Variants in MACROD2 observed in about 807,000 individuals in gnomAD.
MACROD2 encodes the protein mono-ADP ribosylhydrolase 2, also known as ADP-ribose glycohydrolase MACROD2.
A neutral mutation model predicts 70.4 loss-of-function variants in MACROD2; 36 were observed. That is an observed-to-expected ratio of 0.51 (90% confidence interval 0.39 to 0.68). The LOEUF (loss-of-function observed/expected upper bound fraction) is 0.68. Among genes scored for constraint, MACROD2 ranks in the 30% least tolerant of loss-of-function variants. The probability of loss-of-function intolerance (pLI) is 0.00; values close to 1 mark genes in which losing one functional copy is unlikely to be tolerated. For synonymous variants in MACROD2, 172 were observed against 178.8 expected (o/e 0.96, Z 0.30); for missense variants, 496 against 538.4 (o/e 0.92, Z 0.78).
chr20:14,057,369 C>T (rs1279667467), intron 2 of MACROD2, among the ~76,000 whole-genome samples: 1 of 152,108 alleles, frequency 6.6e-6, no homozygotes, highest in East Asian at 1.9e-4. Flanking sequence ...ATATATATAT[C>T]TGACAGATGG....
At chr20:15,436,800 A>G (rs935149780) in intron 7 of MACROD2, among the ~76,000 whole-genome samples, 3 of 152,196 alleles carry the variant, frequency 2.0e-5, no homozygotes, top group African/African-American at 7.2e-5. Flanking sequence ...TTTACAAAGC[A>G]AACACAACTC....
intron 3 of MACROD2, among the ~76,000 whole-genome samples, chr20:14,245,217 G>T (rs2081959374): frequency 6.6e-6 from 1 of 152,034 alleles, no homozygotes; most frequent in African/African-American, 2.4e-5. Flanking sequence ...ACACAAATCA[G>T]CCGGGCGTGG....
rs565389092 is a variant in MACROD2, at chr20:14,586,538, C to G, written c.301+93030C>G. 2.0e-4 allele frequency among the ~76,000 whole-genome samples: 31 copies of G among 152,142 alleles called. 1 individual carries two copies. The South Asian group carries it at 6.2e-3, about 31-fold the overall frequency. On this transcript the variant is annotated intron_variant, in intron 4 of 17. Transcript: ENST00000684519. Reference sequence around the variant, plus strand: ...CGAAGAGAAATGGTTATTTAGAACTCTGTGCATAGAATACCAATCTGGCTT... The same window carrying G: ...CGAAGAGAAATGGTTATTTAGAACTGTGTGCATAGAATACCAATCTGGCTT...
intron 3 of MACROD2, among the ~76,000 whole-genome samples, chr20:14,353,223 A>C (rs927954235): frequency 6.6e-6 from 1 of 152,150 alleles, no homozygotes; most frequent in Non-Finnish European, 1.5e-5. Context: ...TGGTCTCATA[A>C]TAGTAGCAGC....
At chr20:15,475,647 C>T (rs934213223) in intron 7 of MACROD2, among the ~76,000 whole-genome samples, 3 of 152,236 alleles carry the variant, frequency 2.0e-5, no homozygotes, top group African/African-American at 4.8e-5. Context: ...GAGCCCTGGC[C>T]GCCTGCCACA....
chr20:14,818,060 ATCC>A (rs1568813762), intron 5 of MACROD2, among the ~76,000 whole-genome samples: 1 of 152,090 alleles, frequency 6.6e-6, no homozygotes, highest in Non-Finnish European at 1.5e-5. Flanking sequence ...TTTTTATTCT[ATCC>A]TGATCTATGG....
At chr20:15,614,586 T>G (rs460467) in intron 8 of MACROD2, among the ~76,000 whole-genome samples, 24,497 of 152,080 alleles carry the variant, frequency 0.16, 2,067 homozygotes, top group Non-Finnish European at 0.18. Context: ...CATCTAAATT[T>G]TAACGTAAAT....
chr20:15,983,449 G>A (rs535016674), intron 13 of MACROD2, among the ~76,000 whole-genome samples: 1 of 152,114 alleles, frequency 6.6e-6, no homozygotes, highest in Non-Finnish European at 1.5e-5. Context: ...GATGAACAAC[G>A]GCTGACTGAT....
chr20:14,952,690 A>G (rs1482578446), intron 5 of MACROD2, among the ~76,000 whole-genome samples: 7 of 152,114 alleles, frequency 4.6e-5, no homozygotes, highest in Admixed American at 4.6e-4. Context: ...ATATATCATC[A>G]GTGGAAATAT....
At chr20:15,047,765 T>C (rs1417185252) in intron 5 of MACROD2, among the ~76,000 whole-genome samples, 2 of 152,096 alleles carry the variant, frequency 1.3e-5, no homozygotes, top group East Asian at 3.9e-4. Context: ...TTTATTACAG[T>C]GTGATTAGGT....
rs142082529 is a variant in MACROD2, at chr20:14,457,850, G to T, written c.272-35629G>T. On this transcript the variant is annotated intron_variant, in intron 3 of 17. Transcript: ENST00000684519. ...GGGCTGGGATCATGCCTGTAATCCT[G>T]ACACTTTGGGAGGCCGAGGTGGGTG... Among the ~76,000 whole-genome samples the T allele has an allele frequency of 5.3e-3, 813 of 152,108 alleles. 16 individuals carry two copies. The highest frequency in any genetic ancestry group is 0.019 in the African/African-American group (774 of 41,476).
intron 3 of MACROD2, among the ~76,000 whole-genome samples, chr20:14,264,013 AC>A (rs1420652457): frequency 4.7e-5 from 6 of 127,464 alleles, no homozygotes; most frequent in African/African-American, 1.1e-4. Context: ...ACACACACAC[AC>A]ACACACACAC....
At chr20:15,065,524 AG>A (rs1568556316) in intron 5 of MACROD2, among the ~76,000 whole-genome samples, 2 of 151,980 alleles carry the variant, frequency 1.3e-5, no homozygotes, top group Admixed American at 1.3e-4. Flanking sequence ...GCTCGGTGGC[AG>A]CGGCTGTAGT....
intron 5 of MACROD2, among the ~76,000 whole-genome samples, chr20:15,199,007 CTTTTTT>C (rs11477634): frequency 8.4e-6 from 1 of 118,628 alleles, no homozygotes. Context: ...ATCTGGACTT[CTTTTTT>C]TTTTTTTTTT....
chr20:14,523,155 A>G (rs935150540), intron 4 of MACROD2, among the ~76,000 whole-genome samples: 3 of 152,148 alleles, frequency 2.0e-5, no homozygotes, highest in African/African-American at 7.2e-5. Flanking sequence ...TGCTGTAGAA[A>G]AAAGGAAGCA....
intron 3 of MACROD2, among the ~76,000 whole-genome samples, chr20:14,280,280 C>T (rs186302891): frequency 1.1e-4 from 16 of 152,122 alleles, no homozygotes; most frequent in South Asian, 2.1e-4. Flanking sequence ...TAGCCACATT[C>T]GTAGTTACTT....
chr20:15,678,897 C>T (rs535200127), intron 8 of MACROD2, among the ~76,000 whole-genome samples: 2 of 152,062 alleles, frequency 1.3e-5, no homozygotes, highest in Admixed American at 6.6e-5. Flanking sequence ...CCCATCATGG[C>T]CAATTTCAAG....
chr20:14,642,672 T>G (rs1440077481), intron 4 of MACROD2, among the ~76,000 whole-genome samples: 1 of 152,100 alleles, frequency 6.6e-6, no homozygotes. Context: ...CAATTGCTGG[T>G]TGGTGGAGCA....
At chr20:14,021,274 C>T (rs1208729100) in intron 2 of MACROD2, among the ~76,000 whole-genome samples, 1 of 152,206 alleles carries the variant, frequency 6.6e-6, no homozygotes, top group Admixed American at 6.5e-5. Flanking sequence ...CAGGCGTGAG[C>T]CACCACGCCC....
Sources: gnomAD v4.1 joint callset for allele counts (sites outside exome capture counted in the v4.1 genomes callset) on GRCh38, gnomAD v4.1.1 for gene constraint, MANE v1.5 for transcripts, NCBI Gene and HGNC (gene_info 2026-07-23, HGNC 2026-07-21) for gene names.